The following ALMS1 variants were observed in gnomAD, a reference collection of about 807,000 sequenced individuals.
ALMS1 encodes the protein ALMS1 centrosome and basal body associated protein.
A neutral mutation model predicts 352.2 loss-of-function variants in ALMS1; 271 were observed. That is an observed-to-expected ratio of 0.77 (90% confidence interval 0.70 to 0.85). The LOEUF (loss-of-function observed/expected upper bound fraction) is 0.85. Ranked by LOEUF, ALMS1 falls within the 40% of genes least tolerant of loss-of-function variation. ALMS1 has a pLI of 0.00. For missense variants in ALMS1, 5,445 were observed against 4,870.7 expected, an observed-to-expected ratio of 1.12 and a Z score of -3.51; for synonymous variants, 1,865 against 1,761.2, an observed-to-expected ratio of 1.06 and a Z score of -1.48.
chr2:73,510,168 C>A (rs1326387437), intron 10 of ALMS1, among the ~76,000 whole-genome samples: 1 of 152,160 alleles, frequency 6.6e-6, no homozygotes, highest in Non-Finnish European at 1.5e-5. Flanking sequence ...AGAACATGTT[C>A]CTTTAGCTCG....
intron 9 of ALMS1, among the ~76,000 whole-genome samples, chr2:73,472,502 A>G (rs1177912747): frequency 2.0e-5 from 3 of 152,064 alleles, no homozygotes; most frequent in Non-Finnish European, 4.4e-5. Flanking sequence ...GAAAAGTCAT[A>G]TAATATGGTG....
chr2:73,547,380 C>T (rs1674344620), intron 12 of ALMS1, among the ~76,000 whole-genome samples: 1 of 152,170 alleles, frequency 6.6e-6, no homozygotes, highest in Non-Finnish European at 1.5e-5. Context: ...CTTTTTACGC[C>T]AGCTCAGGGT....
intron 9 of ALMS1, among the ~76,000 whole-genome samples, chr2:73,481,483 TGTAGTATA>T (rs1001053735): frequency 1.3e-5 from 2 of 152,194 alleles, no homozygotes; most frequent in African/African-American, 4.8e-5. Context: ...ACTGTAGCCT[TGTAGTATA>T]GTTTGAAGTC....
Position 73,491,490 on chromosome 2 carries a change from T to G in ALMS1, c.9531T>G (p.Phe3177Leu). The G allele has an allele frequency of 1.2e-6, 2 of 1,613,978 alleles. No homozygotes were observed. Among genetic ancestry groups the G allele is most frequent in the African/African-American group, 1.3e-5 (1 of 75,064 alleles). ...CCAATCCAGAGGGGACCCCAGTATT[T>G]GCAGATCGGTGAGTCTCATTGTGAT... ...GHSNPEGTPV[F>L]ADRLPEKMKT... Residue 3177 changes from phenylalanine (F) to leucine (L), a missense_variant, in exon 10 of 23, where the codon TTT becomes TTG. Transcript: ENST00000613296.
chr2:73,465,517 C>A (rs764362995), intron 9 of ALMS1, among the ~76,000 whole-genome samples: 1 of 152,176 alleles, frequency 6.6e-6, no homozygotes, highest in Non-Finnish European at 1.5e-5. Flanking sequence ...ACATGTTAGT[C>A]CGAAAACTGT....
chr2:73,490,888 G>T lies in ALMS1; in HGVS notation c.8929G>T (p.Asp2977Tyr). ...EQCQSKAPGV[D>Y]DQMNKHHFPL... ...ATGCCAAAGCAAAGCGCCAGGTGTA[G>T]ATGACCAAATGAATAAACACCATTT... The change falls in exon 10 of 23, where the codon GAT becomes TAT. Residue 2977 changes from aspartate (D) to tyrosine (Y), a missense_variant. Asp to Tyr is a radical substitution (Grantham distance 160). Transcript: ENST00000613296. The T allele has an allele frequency of 6.2e-7, 1 of 1,614,134 alleles. No homozygotes were observed. The highest frequency in any genetic ancestry group is 8.5e-7 in the Non-Finnish European group (1 of 1,180,030).
In ALMS1 at chr2:73,453,423, AG is replaced by A. The variant is rs1553404358; in HGVS notation, c.6898del (p.Val2300TrpfsTer43). ...ISDISFIQSK[K>X]VVCFKEPSST... ...GATATTTCATTTATACAATCTAAGA[AG>A]GTGGTTTGCTTCAAAGAACCCTCTT... is the stretch of plus-strand genomic sequence containing the variant. On this transcript the variant is annotated frameshift_variant, in exon 8 of 23. Coordinates refer to ENST00000613296, the MANE Select transcript of ALMS1 (RefSeq NM_001378454.1). LOFTEE classifies it high-confidence loss of function. The A allele has an allele frequency of 1.9e-5, 30 of 1,613,486 alleles. No individual in the cohort carries two copies. Among genetic ancestry groups the A allele is most frequent in the Non-Finnish European group, 2.5e-5 (30 of 1,179,682 alleles).
rs1419651180 is a variant in ALMS1, at chr2:73,449,930, G to A, written c.3403G>A (p.Gly1135Ser). ...TCCTGGACTAGCAGACCAGAAGACTGGCACACCAACTGTAACCTCAACTTC... is the reference window on the plus strand; with the variant it reads ...TCCTGGACTAGCAGACCAGAAGACTAGCACACCAACTGTAACCTCAACTTC... ...VAPGLADQKT[G>S]TPTVTSTSYS... The change falls in exon 8 of 23, where the codon GGC (glycine) becomes AGC (serine). Residue 1135 changes from glycine to serine, a missense_variant. By Grantham distance (56) the Gly-to-Ser change is moderately conservative. Coordinates refer to ENST00000613296, the MANE Select transcript of ALMS1 (RefSeq NM_001378454.1). The A allele has an allele frequency of 3.1e-6, 5 of 1,613,968 alleles. No homozygotes were observed. The Admixed American group carries it at 8.3e-5, about 27-fold the overall frequency.
intron 9 of ALMS1, among the ~76,000 whole-genome samples, chr2:73,485,190 C>T (rs1416461682): frequency 1.3e-5 from 2 of 152,156 alleles, no homozygotes; most frequent in Non-Finnish European, 2.9e-5. Context: ...TCTGTTTTTT[C>T]CCCATCTTTG....
At chr2:73,534,192 G>A (rs1673979787) in intron 11 of ALMS1, among the ~76,000 whole-genome samples, 1 of 152,060 alleles carries the variant, frequency 6.6e-6, no homozygotes, top group Admixed American at 6.5e-5. Context: ...GAAAAGATGG[G>A]TAAGTTATAC....
chr2:73,605,250 T>C (rs886860771), intron 21 of ALMS1, among the ~76,000 whole-genome samples: 7 of 152,210 alleles, frequency 4.6e-5, no homozygotes, highest in African/African-American at 1.4e-4. Flanking sequence ...TCTAGAAAAC[T>C]TGTATTCACC....
At chr2:73,427,161 T>C (rs1447974013) in intron 6 of ALMS1, among the ~76,000 whole-genome samples, 1 of 152,200 alleles carries the variant, frequency 6.6e-6, no homozygotes, top group African/African-American at 2.4e-5. Context: ...TCCAAAAGCT[T>C]GTACTTTGAA....
intron 16 of ALMS1, among the ~76,000 whole-genome samples, chr2:73,591,358 A>T (rs1478413892): frequency 6.6e-6 from 1 of 152,200 alleles, no homozygotes; most frequent in Non-Finnish European, 1.5e-5. Context: ...TTATTTCCAA[A>T]TGGTAGCTAG....
rs776655751 is a variant in ALMS1, at chr2:73,449,882, G to T, written c.3355G>T (p.Glu1119Ter). ...CTTGCCAGAGAGTCATCTGCCTAAA[G>T]AGGCTCTGAAAATTTCAGTAGCTCC... ...QTLPESHLPKEALKISVAPGL... is the reference protein window; with the variant it reads ...QTLPESHLPK The change falls in exon 8 of 23, where the codon GAG becomes TAG. Residue 1119 changes from glutamate to a stop codon, truncating the protein, a stop_gained. Coordinates refer to ENST00000613296, the MANE Select transcript of ALMS1 (RefSeq NM_001378454.1). LOFTEE classifies it high-confidence loss of function. 3 of 1,613,938 alleles carry T rather than the reference G, an allele frequency of 1.9e-6. No homozygotes were observed. Among genetic ancestry groups the T allele is most frequent in the Non-Finnish European group, 2.5e-6 (3 of 1,179,946 alleles).
chr2:73,426,489 C>T lies in ALMS1; in HGVS notation c.1274C>T (p.Thr425Ile), dbSNP rs1296927532. ...GGGAAGGTTGAGTCTGACGTCATTA[C>T]TCTGGATGGCCTAAATGAAAATGCT... ...LQGKVESDVI[T>I]LDGLNENAVV... Residue 425 changes from threonine to isoleucine, a missense_variant, in exon 6 of 23, where the codon ACT becomes ATT. Thr to Ile is a moderately conservative substitution (Grantham distance 89). Transcript: ENST00000613296. The T allele has an allele frequency of 6.2e-7, 1 of 1,614,132 alleles. No homozygotes were observed. Among genetic ancestry groups the T allele is most frequent in the Non-Finnish European group, 8.5e-7 (1 of 1,179,972 alleles).
At chr2:73,397,210 A>C (rs1572898540) in intron 1 of ALMS1, among the ~76,000 whole-genome samples, 2 of 151,938 alleles carry the variant, frequency 1.3e-5, no homozygotes, top group East Asian at 1.9e-4. Context: ...ATTACACTAG[A>C]TTTTTCTTCC....
At chr2:73,467,172 CA>C (rs1185299256) in intron 9 of ALMS1, among the ~76,000 whole-genome samples, 1 of 152,038 alleles carries the variant, frequency 6.6e-6, no homozygotes, top group Non-Finnish European at 1.5e-5. Context: ...GAATGGTAAT[CA>C]AAAGGCAGCA....
intron 16 of ALMS1, among the ~76,000 whole-genome samples, chr2:73,588,233 T>C (rs1482823144): frequency 6.6e-6 from 1 of 152,142 alleles, no homozygotes; most frequent in Non-Finnish European, 1.5e-5. Context: ...GACTCGCTCT[T>C]TCTGTGTTTC....
intron 16 of ALMS1, among the ~76,000 whole-genome samples, chr2:73,581,384 C>T (rs547040104): frequency 7.2e-5 from 11 of 152,298 alleles, no homozygotes; most frequent in Non-Finnish European, 1.5e-4. Flanking sequence ...TCCTTGGGAA[C>T]AAGGTACTAC....
Sources: allele counts gnomAD v4.1 joint callset (sites outside exome capture counted in the v4.1 genomes callset), GRCh38; gene constraint gnomAD v4.1.1; transcripts MANE v1.5; gene names NCBI Gene and HGNC (gene_info 2026-07-23, HGNC 2026-07-21).